CSMD1: variants seen among roughly 807,000 people sequenced by gnomAD.
CSMD1 encodes the protein CUB and sushi domain-containing protein 1.
In CSMD1, 213 loss-of-function variants were observed where a neutral mutation model predicts 417.5. The ratio of observed to expected loss-of-function variants is 0.51; its 90% CI spans 0.46 to 0.57. The LOEUF (loss-of-function observed/expected upper bound fraction) is 0.57, where lower values mean the gene tolerates loss of function less well. CSMD1 is among the 20% of genes least tolerant of loss of function. The pLI, the probability that CSMD1 is intolerant of heterozygous loss-of-function variation, is 0.00. For synonymous variants in CSMD1, 2,862 were observed against 1,736.8 expected (o/e 1.65, Z -16.11); for missense variants, 6,923 against 4,529.7 (o/e 1.53, Z -15.17).
intron 3 of CSMD1, among the ~76,000 whole-genome samples, chr8:4,362,574 G>T (rs1363577040): frequency 2.6e-5 from 4 of 152,182 alleles, no homozygotes; most frequent in African/African-American, 9.7e-5. Flanking sequence ...ATAGCCCCGT[G>T]AAGTGTAGCA....
intron 1 of CSMD1, among the ~76,000 whole-genome samples, chr8:4,921,065 A>G (rs1806462555): frequency 6.6e-6 from 1 of 151,020 alleles, no homozygotes; most frequent in Non-Finnish European, 1.5e-5. Context: ...GAAAGAAAAG[A>G]AAGAGAAAGA....
intron 5 of CSMD1, chr8:3,949,815 T>C (rs995592707): frequency 1.3e-4 from 55 of 429,152 alleles, no homozygotes; most frequent in Non-Finnish European, 3.7e-5. Context: ...GCTGGGGCAA[T>C]GACCTGCTTC....
chr8:4,462,983 T>C (rs1252036884), intron 2 of CSMD1, among the ~76,000 whole-genome samples: 1 of 152,146 alleles, frequency 6.6e-6, no homozygotes, highest in East Asian at 1.9e-4. Flanking sequence ...AACTTTGTAT[T>C]TCAAAAAACA....
Position 3,387,602 on chromosome 8 carries a change from T to G in CSMD1, c.2674A>C (p.Arg892=). The G allele has an allele frequency of 6.2e-7, 1 of 1,601,770 alleles. No individual in the cohort carries two copies. Among genetic ancestry groups the G allele is most frequent in the Non-Finnish European group, 8.5e-7 (1 of 1,174,106 alleles). The change falls in exon 18 of 70, where the codon AGG becomes CGG. Residue 892 remains arginine, a synonymous_variant. Coordinates refer to ENST00000635120, the MANE Select transcript of CSMD1 (RefSeq NM_033225.6). The stretch of plus-strand genomic sequence containing the variant: ...TCACAGCTGAAAGTCACTGTGGACC[T>G]GATGCCAAAGTCTCCACCGTGGCGA... ...GHRHGGDFGI[R]STVTFSCDPG...
At chr8:4,885,617 A>G (rs1187713748) in intron 1 of CSMD1, among the ~76,000 whole-genome samples, 1 of 151,984 alleles carries the variant, frequency 6.6e-6, no homozygotes, top group Admixed American at 6.5e-5. Flanking sequence ...CTGTTGATAT[A>G]GTATATCACA....
chr8:2,974,063 GTGGTAGAGGATGATGGTAGAGGATGA>G (rs71199521), intron 56 of CSMD1, among the ~76,000 whole-genome samples: 9 of 83,362 alleles, frequency 1.1e-4, no homozygotes, highest in Admixed American at 2.1e-4. Context: ...GTAGAGGATG[GTGGTAGAGGATGATGGTAGAGGATGA>G]TGGTAGAGGA....
intron 1 of CSMD1, among the ~76,000 whole-genome samples, chr8:4,920,881 GAAAA>G (rs1563768606): frequency 9.4e-4 from 33 of 35,168 alleles, no homozygotes; most frequent in African/African-American, 2.1e-3. Flanking sequence ...GAAAAGAAAA[GAAAA>G]GAAAAGAAAA....
At chr8:3,918,279 A>C (rs2627392) in intron 5 of CSMD1, among the ~76,000 whole-genome samples, 4,393 of 152,106 alleles carry the variant, frequency 0.029, 213 homozygotes, top group African/African-American at 0.1. Context: ...GCAGCCTACA[A>C]ACTCTTTTCA....
chr8:4,245,003 A>G (rs1367673730), intron 3 of CSMD1, among the ~76,000 whole-genome samples: 1 of 152,232 alleles, frequency 6.6e-6, no homozygotes, highest in Non-Finnish European at 1.5e-5. Context: ...ACAAACATCA[A>G]AAAGAATCAC....
At chr8:3,157,065 G>T (rs1333522609) in intron 39 of CSMD1, among the ~76,000 whole-genome samples, 1 of 151,890 alleles carries the variant, frequency 6.6e-6, no homozygotes, top group Non-Finnish European at 1.5e-5. Flanking sequence ...ACAACAATAG[G>T]TTTGGAGAAG....
intron 5 of CSMD1, among the ~76,000 whole-genome samples, chr8:3,907,065 C>T (rs1293782114): frequency 6.6e-6 from 1 of 152,148 alleles, no homozygotes; most frequent in Non-Finnish European, 1.5e-5. Flanking sequence ...TTCCAAATGT[C>T]GTAGCTAGTA....
At chr8:3,554,998 C>G (rs1799081305) in intron 10 of CSMD1, among the ~76,000 whole-genome samples, 1 of 152,008 alleles carries the variant, frequency 6.6e-6, no homozygotes. Flanking sequence ...GGAAACACCA[C>G]ATAAGCTGAG....
intron 6 of CSMD1, among the ~76,000 whole-genome samples, chr8:3,728,245 T>A (rs1019133434): frequency 1.3e-5 from 2 of 152,144 alleles, no homozygotes; most frequent in African/African-American, 4.8e-5. Flanking sequence ...CCCTTTCTCT[T>A]GGTTCTTATT....
intron 42 of CSMD1, among the ~76,000 whole-genome samples, chr8:3,114,177 A>G (rs1414511923): frequency 2.0e-5 from 3 of 152,262 alleles, no homozygotes; most frequent in South Asian, 4.1e-4. Context: ...CTGGCAGGTC[A>G]AGGCTACAGT....
rs1563234550 is a variant in CSMD1 at position 4,498,917 on chromosome 8, G to C, written c.303-78852C>G. On this transcript the variant is annotated intron_variant, in intron 2 of 69. Transcript: ENST00000635120. ...AGATGAAAATGATTTAGATCACAGGGCTCAACATTACATACACATGGCCAG... is the reference window on the plus strand; with the variant it reads ...AGATGAAAATGATTTAGATCACAGGCCTCAACATTACATACACATGGCCAG... Among the ~76,000 whole-genome samples, 3 of 152,162 alleles carry C rather than the reference G, an allele frequency of 2.0e-5. No homozygotes were observed. In the East Asian group the frequency reaches 5.8e-4, roughly 29 times the overall value.
chr8:4,194,770 A>G (rs181808197), intron 3 of CSMD1, among the ~76,000 whole-genome samples: 3 of 152,260 alleles, frequency 2.0e-5, no homozygotes, highest in South Asian at 2.1e-4. Flanking sequence ...TAACACATAT[A>G]AAACATTCAC....
intron 23 of CSMD1, among the ~76,000 whole-genome samples, chr8:3,309,522 A>C (rs1439334679): frequency 2.0e-5 from 3 of 152,188 alleles, no homozygotes; most frequent in Non-Finnish European, 4.4e-5. Context: ...TGAGAGCTGT[A>C]TATTCCTTTT....
At chr8:4,073,486 GT>G (rs755348476) in intron 3 of CSMD1, among the ~76,000 whole-genome samples, 5 of 152,158 alleles carry the variant, frequency 3.3e-5, no homozygotes, top group Admixed American at 2.6e-4. Context: ...TTTTCTGGCT[GT>G]CCTCATCCAA....
intron 1 of CSMD1, among the ~76,000 whole-genome samples, chr8:4,777,431 T>G (rs1346435769): frequency 2.0e-5 from 3 of 152,166 alleles, no homozygotes; most frequent in African/African-American, 7.2e-5. Flanking sequence ...CATTCTCCCT[T>G]AGGTCACAAT....
Sources: allele counts gnomAD v4.1 joint callset (sites outside exome capture counted in the v4.1 genomes callset), GRCh38; gene constraint gnomAD v4.1.1; transcripts MANE v1.5; gene names NCBI Gene and HGNC (gene_info 2026-07-23, HGNC 2026-07-21).